The following CHSY3 variants were observed in gnomAD, a reference collection of about 807,000 sequenced individuals.
CHSY3 encodes the protein N-acetylgalactosaminyl-proteoglycan 3-beta-glucuronosyltransferase 3.
A neutral mutation model predicts 67.2 loss-of-function variants in CHSY3; 35 were observed. The observed-to-expected ratio is 0.52, with a 90% CI of 0.40 to 0.69. The LOEUF (loss-of-function observed/expected upper bound fraction) is 0.69. CHSY3 is among the 30% of genes least tolerant of loss of function. The pLI is 0.00. For missense variants in CHSY3, 1,069 were observed against 1,138.5 expected (o/e 0.94, Z 0.88); for synonymous variants, 474 against 434.7 (o/e 1.09, Z -1.12).
intron 2 of CHSY3, among the ~76,000 whole-genome samples, chr5:130,062,845 A>T (rs914116027): frequency 6.6e-6 from 1 of 152,080 alleles, no homozygotes; most frequent in Non-Finnish European, 1.5e-5. Flanking sequence ...ATTTTAAGTT[A>T]TATATTAACT....
chr5:130,054,605 G>T (rs566780925), intron 2 of CHSY3, among the ~76,000 whole-genome samples: 2 of 152,230 alleles, frequency 1.3e-5, no homozygotes, highest in African/African-American at 4.8e-5. Context: ...CTGTGCCTCA[G>T]TTTCCTCACA....
intron 2 of CHSY3, among the ~76,000 whole-genome samples, chr5:130,177,178 TATATATATGA>T (rs933500711): frequency 5.7e-5 from 5 of 87,410 alleles, no homozygotes; most frequent in African/African-American, 1.8e-4. Context: ...TTTTCATACA[TATATATATGA>T]ATATATATAT....
chr5:130,114,467 G>C (rs757598000), intron 2 of CHSY3: 5 of 151,930 alleles, frequency 3.3e-5, no homozygotes, highest in Non-Finnish European at 7.4e-5. Context: ...AGCAGGGTCG[G>C]GCCTGGTTAG....
intron 2 of CHSY3, among the ~76,000 whole-genome samples, chr5:130,032,165 A>G (rs996534656): frequency 1.3e-5 from 2 of 152,164 alleles, no homozygotes; most frequent in African/African-American, 2.4e-5. Flanking sequence ...GCATGTCTAT[A>G]TAATATGTTC....
intron 2 of CHSY3, among the ~76,000 whole-genome samples, chr5:129,921,810 C>T (rs973772701): frequency 6.6e-6 from 1 of 151,840 alleles, no homozygotes; most frequent in African/African-American, 2.4e-5. Context: ...GGATATCTGT[C>T]ATCTCAGGCC....
chr5:130,086,614 T>C (rs549177509), intron 2 of CHSY3, among the ~76,000 whole-genome samples: 3,433 of 152,196 alleles, frequency 0.023, 129 homozygotes, highest in African/African-American at 0.076. Flanking sequence ...CTAGAAAATC[T>C]AGAAGAAATG....
chr5:129,905,268 G>A lies in CHSY3; in HGVS notation c.439G>A (p.Asp147Asn). The change falls in exon 1 of 3, where the codon GAC (aspartate) becomes AAC (asparagine). Residue 147 changes from aspartate to asparagine, a missense_variant. Transcript: ENST00000305031. Reference sequence around the variant, plus strand: ...CGGGGGCGCGGCTGGGCAGCGGAGAGACGGCCGGCCGGGGAGTAGCCACAA... The same window carrying A: ...CGGGGGCGCGGCTGGGCAGCGGAGAAACGGCCGGCCGGGGAGTAGCCACAA... Reference protein sequence around the residue: ...EDGGAAGQRRDGRPGSSHNGS... With the variant: ...EDGGAAGQRRNGRPGSSHNGS... 6.9e-7 allele frequency: 1 copy of A among 1,455,552 alleles called. No individual in the cohort carries two copies. Among genetic ancestry groups the A allele is most frequent in the Non-Finnish European group, 9.0e-7 (1 of 1,107,396 alleles). 90.2% of individuals were successfully genotyped at this position (1,455,552 alleles called of 1,614,324 possible). A position where few individuals can be genotyped will look rare whatever the true frequency, so the allele number is the denominator to read the frequency against.
intron 2 of CHSY3, among the ~76,000 whole-genome samples, chr5:129,931,667 T>A (rs1243518647): frequency 6.6e-6 from 1 of 152,182 alleles, no homozygotes; most frequent in South Asian, 2.1e-4. Flanking sequence ...GGTCTCATAC[T>A]TTTTTGTCTT....
At chr5:130,119,604 G>T (rs1027266780) in intron 2 of CHSY3, among the ~76,000 whole-genome samples, 2 of 151,888 alleles carry the variant, frequency 1.3e-5, no homozygotes, top group African/African-American at 4.8e-5. Flanking sequence ...CAACTGAAGG[G>T]TTTATCTTCC....
At chr5:130,118,189 A>G (rs1016903666) in intron 2 of CHSY3, among the ~76,000 whole-genome samples, 3 of 152,176 alleles carry the variant, frequency 2.0e-5, no homozygotes, top group Admixed American at 6.5e-5. Context: ...CCAATTAAAC[A>G]GTTTTTCCTT....
At chr5:130,019,128 A>G (rs1178529667) in intron 2 of CHSY3, among the ~76,000 whole-genome samples, 2 of 139,722 alleles carry the variant, frequency 1.4e-5, no homozygotes, top group Non-Finnish European at 3.2e-5. Context: ...AAACAGACTA[A>G]AACAATTGTG....
intron 2 of CHSY3, among the ~76,000 whole-genome samples, chr5:130,120,823 C>T (rs1023000527): frequency 4.6e-5 from 7 of 152,088 alleles, no homozygotes; most frequent in South Asian, 2.1e-4. Context: ...AGGGACACAC[C>T]GTAAAAGCTG....
intron 2 of CHSY3, among the ~76,000 whole-genome samples, chr5:129,918,306 G>A (rs962292765): frequency 2.0e-5 from 3 of 152,176 alleles, no homozygotes; most frequent in African/African-American, 7.2e-5. Flanking sequence ...TACGTAATAA[G>A]AGAGTTCTTA....
chr5:129,973,871 G>A (rs1762715361), intron 2 of CHSY3, among the ~76,000 whole-genome samples: 1 of 152,046 alleles, frequency 6.6e-6, no homozygotes, highest in Non-Finnish European at 1.5e-5. Flanking sequence ...TTTCTCAATA[G>A]AAATTATCCC....
At chr5:130,086,095 G>C (rs1282338774) in intron 2 of CHSY3, among the ~76,000 whole-genome samples, 1 of 151,998 alleles carries the variant, frequency 6.6e-6, no homozygotes, top group Non-Finnish European at 1.5e-5. Context: ...TGTTGATTTG[G>C]GGTGGAGAGT....
intron 2 of CHSY3, among the ~76,000 whole-genome samples, chr5:130,156,460 A>G (rs757999795): frequency 1.3e-5 from 2 of 152,332 alleles, no homozygotes; most frequent in Non-Finnish European, 2.9e-5. Flanking sequence ...TCTTCGCAGC[A>G]TACCTGTGAG....
intron 2 of CHSY3, among the ~76,000 whole-genome samples, chr5:129,920,788 T>G (rs1459105577): frequency 6.6e-6 from 1 of 152,110 alleles, no homozygotes; most frequent in Non-Finnish European, 1.5e-5. Flanking sequence ...CATTCTTACA[T>G]TAGACCTTAG....
intron 2 of CHSY3, among the ~76,000 whole-genome samples, chr5:130,150,632 A>T (rs752650107): frequency 1.3e-5 from 2 of 152,156 alleles, no homozygotes; most frequent in Non-Finnish European, 2.9e-5. Context: ...TCTCAAAAGG[A>T]TTACTTTCCA....
At chr5:129,969,392 A>T (rs1762569371) in intron 2 of CHSY3, among the ~76,000 whole-genome samples, 1 of 151,880 alleles carries the variant, frequency 6.6e-6, no homozygotes. Context: ...TAATGTAATT[A>T]AATAGATCAT....
Sources: allele counts gnomAD v4.1 joint callset (sites outside exome capture counted in the v4.1 genomes callset), GRCh38; gene constraint gnomAD v4.1.1; transcripts MANE v1.5; gene names NCBI Gene and HGNC (gene_info 2026-07-23, HGNC 2026-07-21).